The following RAB20 variants were observed in gnomAD, a reference collection of about 807,000 sequenced individuals.
RAB20 encodes the protein RAB20, member RAS oncogene family.
In RAB20, 2 loss-of-function variants were observed where a neutral mutation model predicts 3.7. The observed-to-expected ratio is 0.54, with a 90% CI of 0.22 to 1.69. RAB20 has a LOEUF of 1.69. Among genes scored for constraint, RAB20 ranks in the 40% most tolerant of loss-of-function variants. The pLI, the probability that RAB20 is intolerant of heterozygous loss-of-function variation, is 0.19. For synonymous variants in RAB20, 126 were observed against 130.8 expected, an observed-to-expected ratio of 0.96 and a Z score of 0.25; for missense variants, 276 against 311.9, an observed-to-expected ratio of 0.88 and a Z score of 0.87.
chr13:110,556,925 T>C (rs1406639081), intron 1 of RAB20, among the ~76,000 whole-genome samples: 1 of 152,138 alleles, frequency 6.6e-6, no homozygotes, highest in African/African-American at 2.4e-5. Context: ...CTGTCACGAA[T>C]ATGGAAGTGG....
chr13:110,531,469 C>T (rs948400171), intron 1 of RAB20, among the ~76,000 whole-genome samples: 19 of 152,238 alleles, frequency 1.2e-4, no homozygotes, highest in African/African-American at 4.6e-4. Context: ...AGACAGACTA[C>T]ATTCAAATCC....
chr13:110,541,816 CCACACACACACACACA>C (rs10624545), intron 1 of RAB20, among the ~76,000 whole-genome samples: 1 of 149,420 alleles, frequency 6.7e-6, no homozygotes, highest in African/African-American at 2.5e-5. Context: ...GAGTGTCCAG[CCACACACACACACACA>C]CACACACACT....
Position 110,538,543 on chromosome 13 carries a change from T to C in RAB20, c.173-14346A>G, listed in dbSNP as rs548920837. On this transcript the variant is annotated intron_variant, in intron 1 of 1. Transcript: ENST00000267328. The stretch of plus-strand genomic sequence containing the variant: ...ATCACCTGAGCCCAGGAGGCAGAGG[T>C]TGTAGTGAGCTATGATCACACCACT... Among the ~76,000 whole-genome samples the C allele has an allele frequency of 2.2e-5, 3 of 138,030 alleles. No homozygotes were observed. In the South Asian group the frequency reaches 6.8e-4, roughly 31 times the overall value. The allele number at this position is 138,030 out of a possible 152,430, so 90.6% of individuals were successfully genotyped here.
intron 1 of RAB20, among the ~76,000 whole-genome samples, chr13:110,549,012 A>C (rs935218902): frequency 6.6e-6 from 1 of 152,100 alleles, no homozygotes; most frequent in African/African-American, 2.4e-5. Flanking sequence ...ATGATTCCAA[A>C]CTTCCCAGGC....
chr13:110,534,480 G>A (rs1386551740), intron 1 of RAB20, among the ~76,000 whole-genome samples: 5 of 152,198 alleles, frequency 3.3e-5, no homozygotes, highest in Non-Finnish European at 5.9e-5. Flanking sequence ...CAAGGGTGCC[G>A]ACCACGCCCC....
chr13:110,546,077 C>A (rs948792438), intron 1 of RAB20, among the ~76,000 whole-genome samples: 1 of 147,626 alleles, frequency 6.8e-6, no homozygotes, highest in Non-Finnish European at 1.5e-5. Context: ...AGCAGAGAAA[C>A]CCCATGAGAT....
At chr13:110,528,394 CAAGAGTGAA>C (rs1884469442) in intron 1 of RAB20, among the ~76,000 whole-genome samples, 1 of 115,620 alleles carries the variant, frequency 8.6e-6, no homozygotes, top group Non-Finnish European at 1.7e-5. Context: ...CCAGCCTGGG[CAAGAGTGAA>C]ACTCCATCTC....
At chr13:110,531,976 A>G (rs1884548761) in intron 1 of RAB20, among the ~76,000 whole-genome samples, 1 of 152,180 alleles carries the variant, frequency 6.6e-6, no homozygotes, top group Non-Finnish European at 1.5e-5. Context: ...TTCACTCTTC[A>G]GCCTTCCCAA....
At chr13:110,553,398 G>A (rs71440073) in intron 1 of RAB20, among the ~76,000 whole-genome samples, 2,075 of 152,272 alleles carry the variant, frequency 0.014, 24 homozygotes, top group Middle Eastern at 0.024. Flanking sequence ...TTTTAGAAGC[G>A]TCTATACCTA....
At chr13:110,546,218 T>G (rs550436375) in intron 1 of RAB20, among the ~76,000 whole-genome samples, 32 of 152,232 alleles carry the variant, frequency 2.1e-4, no homozygotes, top group Admixed American at 3.9e-4. Context: ...CTGGGCTCCC[T>G]GCACATCTGT....
intron 1 of RAB20, among the ~76,000 whole-genome samples, chr13:110,550,869 C>T (rs1344059392): frequency 1.3e-5 from 2 of 152,104 alleles, no homozygotes; most frequent in Non-Finnish European, 2.9e-5. Flanking sequence ...TGATATTGAA[C>T]TCAAAAGAAA....
intron 1 of RAB20, among the ~76,000 whole-genome samples, chr13:110,538,048 TG>T (rs1884679766): frequency 6.6e-6 from 1 of 152,134 alleles, no homozygotes; most frequent in South Asian, 2.1e-4. Context: ...GAGACCAGTC[TG>T]GGCAACATGG....
chr13:110,534,166 C>T (rs1040686802), intron 1 of RAB20, among the ~76,000 whole-genome samples: 1 of 152,194 alleles, frequency 6.6e-6, no homozygotes, highest in African/African-American at 2.4e-5. Flanking sequence ...TGGTAGGCCT[C>T]GTCTAATCAG....
intron 1 of RAB20, among the ~76,000 whole-genome samples, chr13:110,538,597 C>CAAAAAAAA (rs67409356): frequency 1.4e-5 from 1 of 70,730 alleles, no homozygotes; most frequent in Non-Finnish European, 2.6e-5. Flanking sequence ...GATCTTCTCT[C>CAAAAAAAA]AAAAAAAAAA....
At chr13:110,546,864 AG>A (rs1884860646) in intron 1 of RAB20, among the ~76,000 whole-genome samples, 1 of 152,002 alleles carries the variant, frequency 6.6e-6, no homozygotes, top group South Asian at 2.1e-4. Flanking sequence ...CAGCCTCCCC[AG>A]TAGCTGAACC....
chr13:110,528,232 C>T (rs71440067), intron 1 of RAB20, among the ~76,000 whole-genome samples: 4,381 of 151,806 alleles, frequency 0.029, 100 homozygotes, highest in Middle Eastern at 0.055. Context: ...GCCTGACCAA[C>T]GCAGAGAAAA....
chr13:110,524,254 C>T, intron 1 of RAB20, 57 bp from the exon 2 acceptor site: 1 of 1,515,900 alleles, frequency 6.6e-7, no homozygotes, highest in Non-Finnish European at 8.8e-7. Context: ...AACATAGCCA[C>T]CAGCCACACT....
At chr13:110,552,253 C>T (rs1034122781) in intron 1 of RAB20, among the ~76,000 whole-genome samples, 17 of 151,852 alleles carry the variant, frequency 1.1e-4, no homozygotes, top group Non-Finnish European at 2.1e-4. Context: ...GTGGTGGGCA[C>T]CCATAATCCC....
intron 1 of RAB20, among the ~76,000 whole-genome samples, chr13:110,534,058 G>A (rs1342934312): frequency 6.6e-6 from 1 of 152,220 alleles, no homozygotes; most frequent in African/African-American, 2.4e-5. Context: ...CCAGCAGTTT[G>A]GTCCTGCACT....
Sources: gnomAD v4.1 joint callset for allele counts (sites outside exome capture counted in the v4.1 genomes callset) on GRCh38, gnomAD v4.1.1 for gene constraint, MANE v1.5 for transcripts, NCBI Gene and HGNC (gene_info 2026-07-23, HGNC 2026-07-21) for gene names.